Variants in CDH20 observed in about 807,000 individuals in gnomAD.
CDH20 encodes the protein cadherin 20.
Under a neutral mutation model 74.2 loss-of-function variants are expected in CDH20, and 29 were observed. That is an observed-to-expected ratio of 0.39 (90% CI 0.29 to 0.53). The LOEUF (loss-of-function observed/expected upper bound fraction) is 0.53. Among genes scored for constraint, CDH20 ranks in the 20% least tolerant of loss-of-function variants. The pLI is 0.69. For synonymous variants in CDH20, 469 were observed against 405.4 expected (o/e 1.16, Z -1.88); for missense variants, 988 against 1,048.3 (o/e 0.94, Z 0.79).
chr18:61,467,111 C>T (rs1228717867), intron 1 of CDH20, among the ~76,000 whole-genome samples: 1 of 152,128 alleles, frequency 6.6e-6, no homozygotes, highest in Admixed American at 6.6e-5. Flanking sequence ...TAGACAGACA[C>T]TCCTAAAGGT....
At chr18:61,369,753 TC>T (rs1910968938) in intron 1 of CDH20, among the ~76,000 whole-genome samples, 1 of 152,124 alleles carries the variant, frequency 6.6e-6, no homozygotes, top group Non-Finnish European at 1.5e-5. Flanking sequence ...GAGATCATTG[TC>T]CTTTGTAGGA....
At chr18:61,486,311 T>C (rs1352158113) in intron 1 of CDH20, among the ~76,000 whole-genome samples, 1 of 152,208 alleles carries the variant, frequency 6.6e-6, no homozygotes, top group African/African-American at 2.4e-5. Flanking sequence ...AAAGTTTATT[T>C]AGAGGAGCAC....
chr18:61,341,488 A>G (rs879471022), intron 1 of CDH20, among the ~76,000 whole-genome samples: 3 of 152,066 alleles, frequency 2.0e-5, no homozygotes, highest in Non-Finnish European at 4.4e-5. Flanking sequence ...TGGGGGAGAC[A>G]CAAACACTCA....
intron 1 of CDH20, among the ~76,000 whole-genome samples, chr18:61,349,082 A>T (rs1369717100): frequency 1.3e-5 from 2 of 152,160 alleles, no homozygotes; most frequent in Non-Finnish European, 1.5e-5. Context: ...TTAAATGATC[A>T]CTTTAGAGTG....
intron 1 of CDH20, among the ~76,000 whole-genome samples, chr18:61,347,728 T>C (rs1910177818): frequency 6.6e-6 from 1 of 152,180 alleles, no homozygotes; most frequent in Admixed American, 6.5e-5. Context: ...ATAATTTACC[T>C]TGGAACAGCC....
intron 1 of CDH20, among the ~76,000 whole-genome samples, chr18:61,354,444 C>T (rs551809144): frequency 3.6e-4 from 55 of 152,066 alleles, no homozygotes; most frequent in Non-Finnish European, 6.3e-4. Flanking sequence ...CCCATCTCTA[C>T]AAGAAATACA....
intron 1 of CDH20, among the ~76,000 whole-genome samples, chr18:61,463,990 A>G (rs892878554): frequency 6.6e-6 from 1 of 152,178 alleles, no homozygotes; most frequent in Non-Finnish European, 1.5e-5. Flanking sequence ...AAATGAGATA[A>G]CATATGTAAA....
At chr18:61,403,032 A>T (rs1409073802) in intron 1 of CDH20, among the ~76,000 whole-genome samples, 1 of 152,196 alleles carries the variant, frequency 6.6e-6, no homozygotes, top group Non-Finnish European at 1.5e-5. Flanking sequence ...TATAAATTTT[A>T]ACAACCATTT....
At chr18:61,366,606 T>C (rs1215953334) in intron 1 of CDH20, among the ~76,000 whole-genome samples, 3 of 152,152 alleles carry the variant, frequency 2.0e-5, no homozygotes, top group Non-Finnish European at 4.4e-5. Context: ...GTGAAATTAA[T>C]CTGAGTAGCT....
chr18:61,405,022 A>G (rs1912284444), intron 1 of CDH20: 2 of 699,848 alleles, frequency 2.9e-6, no homozygotes, highest in Admixed American at 3.6e-5. Flanking sequence ...ATTGCATAGT[A>G]CTCCATTTCT....
At chr18:61,418,738 AGAGACCT>A (rs1467743782) in intron 1 of CDH20, among the ~76,000 whole-genome samples, 1 of 152,098 alleles carries the variant, frequency 6.6e-6, no homozygotes, top group African/African-American at 2.4e-5. Flanking sequence ...TGGTTCTTAT[AGAGACCT>A]GAATACATTT....
intron 1 of CDH20, among the ~76,000 whole-genome samples, chr18:61,452,529 T>C (rs774208411): frequency 1.4e-4 from 22 of 152,210 alleles, no homozygotes; most frequent in Non-Finnish European, 3.1e-4. Flanking sequence ...AGTGAGTTCT[T>C]GAATCCCAAA....
At chr18:61,479,443 C>T (rs1284906376) in intron 1 of CDH20, among the ~76,000 whole-genome samples, 1 of 152,144 alleles carries the variant, frequency 6.6e-6, no homozygotes, top group Admixed American at 6.5e-5. Context: ...TCTTTTTACA[C>T]ATATTCCCAT....
At chr18:61,370,087 G>C (rs144035293) in intron 1 of CDH20, among the ~76,000 whole-genome samples, 29 of 152,174 alleles carry the variant, frequency 1.9e-4, no homozygotes, top group African/African-American at 6.5e-4. Context: ...TAAAAATAAA[G>C]TAAAATAAAT....
intron 1 of CDH20, among the ~76,000 whole-genome samples, chr18:61,350,776 C>G (rs1020689831): frequency 6.6e-6 from 1 of 152,200 alleles, no homozygotes; most frequent in Non-Finnish European, 1.5e-5. Flanking sequence ...CATCTGGTGG[C>G]TCTGCCTCCT....
At chr18:61,504,966 C>T (rs566329131) in intron 5 of CDH20, among the ~76,000 whole-genome samples, 27 of 151,952 alleles carry the variant, frequency 1.8e-4, no homozygotes, top group Non-Finnish European at 2.9e-4. Context: ...GTGCAGAATT[C>T]GTATTCTGCA....
At chr18:61,415,209 C>T (rs946488224) in intron 1 of CDH20, among the ~76,000 whole-genome samples, 2 of 152,126 alleles carry the variant, frequency 1.3e-5, no homozygotes, top group Non-Finnish European at 2.9e-5. Flanking sequence ...TAACCCCCAA[C>T]ATACCAGAAA....
intron 1 of CDH20, among the ~76,000 whole-genome samples, chr18:61,410,847 T>A (rs1912471177): frequency 6.6e-6 from 1 of 152,198 alleles, no homozygotes; most frequent in Non-Finnish European, 1.5e-5. Context: ...TTTCTCAGCA[T>A]AGGCATAAGA....
Position 61,554,380 on chromosome 18 carries a change from G to C in CDH20, c.2091G>C (p.Thr697=). The change falls in exon 12 of 12, where the codon ACG becomes ACC. Residue 697 remains threonine (T), a synonymous_variant. Transcript: ENST00000262717. ...REAQAGAAPK[T]RQDMLPEIES... The stretch of plus-strand genomic sequence containing the variant: ...CGCAGGCGGGGGCCGCCCCCAAGAC[G>C]CGGCAGGACATGCTGCCCGAGATCG... 1 of 1,612,882 alleles carries C rather than the reference G, an allele frequency of 6.2e-7. No individual in the cohort carries two copies. The highest frequency in any genetic ancestry group is 1.1e-5 in the South Asian group (1 of 91,048).
Sources: gnomAD v4.1 joint callset for allele counts (sites outside exome capture counted in the v4.1 genomes callset) on GRCh38, gnomAD v4.1.1 for gene constraint, MANE v1.5 for transcripts, NCBI Gene and HGNC (gene_info 2026-07-23, HGNC 2026-07-21) for gene names.